PLD1: variants seen among roughly 807,000 people sequenced by gnomAD.
PLD1 encodes phospholipase D1.
Under a neutral mutation model 137.1 loss-of-function variants are expected in PLD1, and 112 were observed. That is an observed-to-expected ratio of 0.82 (90% CI 0.70 to 0.96). The LOEUF (loss-of-function observed/expected upper bound fraction) is 0.96, where lower values mean the gene tolerates loss of function less well. Ranked by LOEUF, PLD1 falls within the 40% of genes least tolerant of loss-of-function variation. PLD1 has a pLI of 0.00. For missense variants in PLD1, 1,321 were observed against 1,342.0 expected (o/e 0.98, Z 0.24); for synonymous variants, 431 against 454.7 (o/e 0.95, Z 0.66).
intron 1 of PLD1, among the ~76,000 whole-genome samples, chr3:171,807,951 T>C (rs1321247933): frequency 6.6e-6 from 1 of 152,232 alleles, no homozygotes; most frequent in Non-Finnish European, 1.5e-5. Flanking sequence ...GAGGTCATTA[T>C]CCTAAGCAAA....
chr3:171,687,453 G>C lies in PLD1; in HGVS notation c.1671C>G (p.Phe557Leu). ...GCTGCTTGTAGAGACTAAATTTGGA[G>C]AACTTTCTTGGCTTTCCTATTCCTT... ...KLKGIGKPRK[F>L]SKFSLYKQLH... Residue 557 changes from phenylalanine to leucine, a missense_variant, in exon 15 of 27, where the codon TTC becomes TTG. Coordinates refer to ENST00000351298, the MANE Select transcript of PLD1 (RefSeq NM_002662.5). 6.2e-7 allele frequency: 1 copy of C among 1,614,066 alleles called. No individual in the cohort carries two copies. The highest frequency in any genetic ancestry group is 1.3e-5 in the African/African-American group (1 of 75,006).
At chr3:171,627,375 C>G (rs955668494) in intron 23 of PLD1, among the ~76,000 whole-genome samples, 1 of 152,134 alleles carries the variant, frequency 6.6e-6, no homozygotes, top group Non-Finnish European at 1.5e-5. Context: ...CCTGAGTGAC[C>G]TGCAAAGAGA....
At chr3:171,753,190 T>C (rs1463854463) in intron 1 of PLD1, among the ~76,000 whole-genome samples, 1 of 152,238 alleles carries the variant, frequency 6.6e-6, no homozygotes, top group African/African-American at 2.4e-5. Flanking sequence ...GCTGCCAGCC[T>C]CACTGAGAAA....
intron 1 of PLD1, among the ~76,000 whole-genome samples, chr3:171,784,816 T>G (rs1722932908): frequency 6.6e-6 from 1 of 152,202 alleles, no homozygotes; most frequent in Admixed American, 6.5e-5. Context: ...TACCTATAGA[T>G]AGCAAATATC....
chr3:171,618,173 G>A (rs866198773), intron 24 of PLD1, among the ~76,000 whole-genome samples: 2 of 152,072 alleles, frequency 1.3e-5, no homozygotes, highest in African/African-American at 2.4e-5. Context: ...AGACTCCCAG[G>A]GCCATATCCT....
chr3:171,641,500 G>A (rs1335648248), intron 23 of PLD1, among the ~76,000 whole-genome samples: 1 of 151,996 alleles, frequency 6.6e-6, no homozygotes, highest in African/African-American at 2.4e-5. Flanking sequence ...CACCCCATTT[G>A]GGAGGCTACC....
chr3:171,775,779 G>A (rs1428099850), intron 1 of PLD1, among the ~76,000 whole-genome samples: 1 of 152,064 alleles, frequency 6.6e-6, no homozygotes, highest in African/African-American at 2.4e-5. Flanking sequence ...GGAGGCAGAG[G>A]TTGCAGTGAG....
intron 20 of PLD1, among the ~76,000 whole-genome samples, chr3:171,660,564 CT>C (rs1443073436): frequency 3.9e-5 from 6 of 152,054 alleles, no homozygotes; most frequent in Non-Finnish European, 5.9e-5. Context: ...TCATTTAATA[CT>C]ACTGTCACAT....
chr3:171,673,912 G>GT (rs1434608313), intron 19 of PLD1, among the ~76,000 whole-genome samples: 1 of 150,698 alleles, frequency 6.6e-6, no homozygotes, highest in African/African-American at 2.5e-5. Context: ...AGCAGATTGG[G>GT]TAACACTGGA....
intron 1 of PLD1, among the ~76,000 whole-genome samples, chr3:171,799,270 T>C (rs1017310627): frequency 1.6e-5 from 2 of 125,892 alleles, no homozygotes; most frequent in Non-Finnish European, 3.1e-5. Context: ...ACCCAGGCGG[T>C]GGAGGTTGCA....
intron 1 of PLD1, among the ~76,000 whole-genome samples, chr3:171,796,375 G>C (rs931755497): frequency 6.6e-6 from 1 of 152,160 alleles, no homozygotes; most frequent in African/African-American, 2.4e-5. Context: ...TTATAAAATG[G>C]GAGGAAGAGT....
chr3:171,669,871 GAA>G (rs1712564024), intron 19 of PLD1, among the ~76,000 whole-genome samples: 1 of 152,238 alleles, frequency 6.6e-6, no homozygotes. Context: ...ACTGCAGAGT[GAA>G]GTAATTTTCC....
At chr3:171,651,070 T>C (rs1341468963) in intron 21 of PLD1, among the ~76,000 whole-genome samples, 1 of 152,020 alleles carries the variant, frequency 6.6e-6, no homozygotes, top group Non-Finnish European at 1.5e-5. Flanking sequence ...TCACCCACAG[T>C]CCCTCCTCAG....
intron 1 of PLD1, among the ~76,000 whole-genome samples, chr3:171,785,630 G>A (rs1722984206): frequency 6.6e-6 from 1 of 152,052 alleles, no homozygotes; most frequent in South Asian, 2.1e-4. Flanking sequence ...GTAGAGACGG[G>A]GTTTCACCAT....
At chr3:171,763,303 T>A (rs1721531229) in intron 1 of PLD1, among the ~76,000 whole-genome samples, 1 of 151,556 alleles carries the variant, frequency 6.6e-6, no homozygotes, top group African/African-American at 2.4e-5. Context: ...ACACTTGTAG[T>A]CCTAGCTACT....
chr3:171,803,911 A>T (rs940716077), intron 1 of PLD1, among the ~76,000 whole-genome samples: 1 of 152,212 alleles, frequency 6.6e-6, no homozygotes, highest in African/African-American at 2.4e-5. Context: ...AGGTGTGGGT[A>T]TTTATTATCT....
At chr3:171,671,581 T>C (rs1301411132) in intron 19 of PLD1, among the ~76,000 whole-genome samples, 1 of 152,202 alleles carries the variant, frequency 6.6e-6, no homozygotes. Context: ...GTCTAATAAG[T>C]TCTTCATGTG....
chr3:171,791,779 T>G (rs1723222957), intron 1 of PLD1: 1 of 151,992 alleles, frequency 6.6e-6, no homozygotes, highest in Admixed American at 6.6e-5. Flanking sequence ...CCTTTTTTTT[T>G]GTTTTGTTTT....
At chr3:171,640,179 GT>G (rs1358002286) in intron 23 of PLD1, among the ~76,000 whole-genome samples, 16 of 150,740 alleles carry the variant, frequency 1.1e-4, no homozygotes, top group Non-Finnish European at 2.2e-4. Context: ...TCCAATCTCT[GT>G]TATTTATTTT....
Sources: gnomAD v4.1 joint callset for allele counts (sites outside exome capture counted in the v4.1 genomes callset) on GRCh38, gnomAD v4.1.1 for gene constraint, MANE v1.5 for transcripts, NCBI Gene and HGNC (gene_info 2026-07-23, HGNC 2026-07-21) for gene names.